SCN4A: variants seen among roughly 807,000 people sequenced by gnomAD.
SCN4A encodes sodium voltage-gated channel alpha subunit 4.
A neutral mutation model predicts 162.0 loss-of-function variants in SCN4A; 83 were observed. The observed-to-expected ratio is 0.51, with a 90% confidence interval of 0.43 to 0.61. The LOEUF (loss-of-function observed/expected upper bound fraction) is 0.61, where lower values mean the gene tolerates loss of function less well. Ranked by LOEUF, SCN4A falls within the 20% of genes least tolerant of loss-of-function variation. SCN4A has a pLI of 0.00. For missense variants in SCN4A, 2,196 were observed against 2,462.5 expected (o/e 0.89, Z 2.29); for synonymous variants, 944 against 985.1 (o/e 0.96, Z 0.78).
chr17:63,942,640 G>A (rs1040863454), intron 23 of SCN4A, among the ~76,000 whole-genome samples, 186 bp downstream of exon 23: 1 of 152,226 alleles, frequency 6.6e-6, no homozygotes, highest in Non-Finnish European at 1.5e-5. Context: ...CCATGTGTGC[G>A]CGGGTGACGA....
intron 11 of SCN4A, among the ~76,000 whole-genome samples, chr17:63,960,683 GGCTGGAGAGAGGAGAAGCCTGGCCAC>G (rs1909220081): frequency 6.6e-6 from 1 of 152,108 alleles, no homozygotes; most frequent in Admixed American, 6.6e-5. Context: ...AGCAGGAAAG[GGCTGGAGAGAGGAGAAGCCTGGCCAC>G]GCTGGAGAAA....
chr17:63,961,073 C>A (rs1909233412), intron 11 of SCN4A, 120 bp downstream of exon 11: 2 of 559,668 alleles, frequency 3.6e-6, no homozygotes, highest in Middle Eastern at 5.0e-4. Flanking sequence ...GGAAAATAAC[C>A]CCAGCTGTCC....
chr17:63,963,616 C>T, intron 10 of SCN4A, 56 bp downstream of exon 10: 1 of 1,473,546 alleles, frequency 6.8e-7, no homozygotes. Context: ...CTCCTGAATC[C>T]AGTCCAGCCA....
chr17:63,952,444 C>A (rs1227949386), intron 13 of SCN4A, among the ~76,000 whole-genome samples: 1 of 152,060 alleles, frequency 6.6e-6, no homozygotes, highest in African/African-American at 2.4e-5. Context: ...AGAGGCATCA[C>A]CACGGTGCCT....
rs1263163140 is a variant in SCN4A at position 63,950,851 on chromosome 17, G to C, written c.2853+573C>G. The stretch of plus-strand genomic sequence containing the variant: ...ATCTGAGCCCAGCAGCACACCCCCT[G>C]CATGGCTGAGGGGTCAGGGCTCCTG... On this transcript the variant is annotated intron_variant, in intron 14 of 23. Transcript: ENST00000435607. This position sits in a 1 kb window ranked among gnomAD's most constrained non-coding sequence, Gnocchi z 4.6. Among the ~76,000 whole-genome samples the C allele has an allele frequency of 6.6e-6, 1 of 152,224 alleles. No homozygotes were observed. The highest frequency in any genetic ancestry group is 1.5e-5 in the Non-Finnish European group (1 of 68,048).
rs1703227330 is a variant in SCN4A at position 63,961,327 on chromosome 17, T to C, written c.1711A>G (p.Ile571Val). 6.2e-7 allele frequency: 1 copy of C among 1,613,732 alleles called. No individual in the cohort carries two copies. Among genetic ancestry groups the C allele is most frequent in the South Asian group, 1.1e-5 (1 of 91,082 alleles). ...AACGGGTCCATGACGATCAGGTGGA[T>C]GATGTTCTTGAACTTCAGCCACGGG... Reference protein sequence around the residue: ...CAPWLKFKNIIHLIVMDPFVD... With the variant: ...CAPWLKFKNIVHLIVMDPFVD... The change falls in exon 11 of 24, where the codon ATC (isoleucine) becomes GTC (valine). Residue 571 changes from isoleucine to valine, a missense_variant. Transcript: ENST00000435607.
At position 63,944,610 on chromosome 17, in the gene SCN4A, G is replaced by C; in HGVS notation, c.3912+63C>G. 6.5e-7 allele frequency: 1 copy of C among 1,536,522 alleles called. No homozygotes were observed. The highest frequency in any genetic ancestry group is 8.8e-7 in the Non-Finnish European group (1 of 1,134,078). On this transcript the variant is annotated intron_variant, in intron 21 of 23. Coordinates refer to ENST00000435607, the MANE Select transcript of SCN4A (RefSeq NM_000334.4). The surrounding 1 kb of genome is among the most constrained non-coding windows in gnomAD (Gnocchi z 4.3). ...TTGTGGGTTTGTGCAATGGAGAGTGGACAAAGGAGGCAGGAGGGAGGCCCA... is the reference window on the plus strand; with the variant it reads ...TTGTGGGTTTGTGCAATGGAGAGTGCACAAAGGAGGCAGGAGGGAGGCCCA...
intron 17 of SCN4A, 32 bp from the exon 18 acceptor site, chr17:63,947,199 G>T: frequency 6.2e-7 from 1 of 1,611,412 alleles, no homozygotes; most frequent in Non-Finnish European, 8.5e-7. Flanking sequence ...ATCAGTGCGT[G>T]CAAGGCCCCC....
At chr17:63,961,533 G>A (rs1909256549) in intron 10 of SCN4A, 102 bp from the exon 11 acceptor site, 1 of 816,472 alleles carries the variant, frequency 1.2e-6, no homozygotes, top group Non-Finnish European at 2.1e-6. Flanking sequence ...CCGCCCCTTA[G>A]CACTCCACAT....
chr17:63,943,345 T>TCCTCCCCGGGGACCCCCC (rs375180124), intron 22 of SCN4A, among the ~76,000 whole-genome samples: 1 of 151,900 alleles, frequency 6.6e-6, no homozygotes, highest in Non-Finnish European at 1.5e-5. Flanking sequence ...TGGTCCTCCC[T>TCCTCCCCGGGGACCCCCC]TCAAGATCCC....
At chr17:63,966,285 A>G (rs745784718) in intron 7 of SCN4A, 42 bp from the exon 8 acceptor site, 1 of 1,583,402 alleles carries the variant, frequency 6.3e-7, no homozygotes, top group South Asian at 1.1e-5. Flanking sequence ...TGGGAGGAGC[A>G]CTCCAGCTGG....
At chr17:63,948,540 C>G in intron 16 of SCN4A, 71 bp downstream of exon 16, 10 of 1,383,608 alleles carry the variant, frequency 7.2e-6, no homozygotes, top group Non-Finnish European at 9.0e-6. Flanking sequence ...TGTGTGGAGA[C>G]AGGGAGCCCC....
In SCN4A at chr17:63,944,787, C is replaced by G; in HGVS notation, c.3798G>C (p.Glu1266Asp). 2 of 1,613,850 alleles carry G rather than the reference C, an allele frequency of 1.2e-6. No individual in the cohort carries two copies. Among genetic ancestry groups the G allele is most frequent in the Middle Eastern group, 1.6e-4 (1 of 6,062 alleles). ...AGTAGAGGTACATGTAGAGGTTCACCTCGTACTGCGGCTGCTCCTCCTTCT... is the reference window on the plus strand; with the variant it reads ...AGTAGAGGTACATGTAGAGGTTCACGTCGTACTGCGGCTGCTCCTCCTTCT... ...SREKEEQPQY[E>D]VNLYMYLYFV... Residue 1266 changes from glutamate (E) to aspartate (D), a missense_variant, in exon 21 of 24, where the codon GAG (glutamate) becomes GAC (aspartate). By Grantham distance (45) the Glu-to-Asp change is conservative (BLOSUM62 2). Coordinates refer to ENST00000435607, the MANE Select transcript of SCN4A (RefSeq NM_000334.4). This position sits in a 1 kb window ranked among gnomAD's most constrained non-coding sequence, Gnocchi z 4.3.
chr17:63,957,035 G>A lies in SCN4A; in HGVS notation c.2376+127C>T, dbSNP rs575594585. The A allele has an allele frequency of 3.6e-5, 23 of 642,808 alleles. No individual in the cohort carries two copies. In the South Asian group the frequency reaches 4.8e-4, roughly 13 times the overall value. The allele number at this position is 642,808 out of a possible 1,614,324, so 39.8% of individuals were successfully genotyped here. The stretch of plus-strand genomic sequence containing the variant: ...CACAGGTTAAAATTTGAGAACTACG[G>A]GGTTAAACCACATAAAATTGCCATT... On this transcript the variant is annotated intron_variant, in intron 13 of 23. Transcript: ENST00000435607.
At position 63,961,446 on chromosome 17, in the gene SCN4A, G is replaced by A; in HGVS notation, c.1607-15C>T. The A allele has an allele frequency of 6.3e-7, 1 of 1,583,702 alleles. No individual in the cohort carries two copies. The highest frequency in any genetic ancestry group is 8.7e-7 in the Non-Finnish European group (1 of 1,152,798). ...CTCTTCCAGTTCTGGGAGAGGGGTG[G>A]TAGCAGGTATCTGGTGAGGATTATC... On this transcript the variant is annotated splice_polypyrimidine_tract_variant and intron_variant, in intron 10 of 23. Transcript: ENST00000435607.
chr17:63,948,756 T>A lies in SCN4A; in HGVS notation c.2999A>T (p.Gln1000Leu). 1 of 1,606,970 alleles carries A rather than the reference T, an allele frequency of 6.2e-7. No individual in the cohort carries two copies. The highest frequency in any genetic ancestry group is 2.2e-5 in the East Asian group (1 of 44,708). Residue 1000 changes from glutamine to leucine, a missense_variant, in exon 16 of 24, where the codon CAG becomes CTG. Gln to Leu is a moderately radical substitution (Grantham distance 113). Transcript: ENST00000435607. ...GTCCACGTAGAGGCAGGGCCAGCGC[T>A]GCACGCAGGCTGATGGGGTGAGGGG... ...PEECFTEACV[Q>L]RWPCLYVDIS...
intron 11 of SCN4A, among the ~76,000 whole-genome samples, chr17:63,959,831 C>T (rs1164613980): frequency 1.3e-5 from 2 of 152,158 alleles, no homozygotes; most frequent in African/African-American, 4.8e-5. Flanking sequence ...GCATTCCACA[C>T]ATGAGCAGTT....
At chr17:63,965,998 G>A (rs963753803) in intron 8 of SCN4A, 104 bp downstream of exon 8, 23 of 813,462 alleles carry the variant, frequency 2.8e-5, no homozygotes, top group South Asian at 1.9e-4. Context: ...GGCCCAGTTC[G>A]GGGGTTGGCC....
In SCN4A at chr17:63,972,286, TG is replaced by T; in HGVS notation, c.393-62del. The stretch of plus-strand genomic sequence containing the variant: ...GGATGGGAGGTGATAGAGGGTCTCC[TG>T]GGCCACAGCACCCCATCTCGCCCAT... On this transcript the variant is annotated intron_variant, in intron 2 of 23. Coordinates refer to ENST00000435607, the MANE Select transcript of SCN4A (RefSeq NM_000334.4). The surrounding 1 kb of genome is among the most constrained non-coding windows in gnomAD (Gnocchi z 4.3). The T allele has an allele frequency of 1.9e-6, 3 of 1,590,320 alleles. No individual in the cohort carries two copies. The highest frequency in any genetic ancestry group is 2.2e-5 in the South Asian group (2 of 89,330).
Sources: allele counts gnomAD v4.1 joint callset (sites outside exome capture counted in the v4.1 genomes callset), GRCh38; gene constraint gnomAD v4.1.1; non-coding constraint Gnocchi (gnomAD v3.1); transcripts MANE v1.5; gene names NCBI Gene and HGNC (gene_info 2026-07-23, HGNC 2026-07-21).